The following GPC6 variants were observed in gnomAD, a reference collection of about 807,000 sequenced individuals.
The protein encoded by GPC6 is glypican 6.
A neutral mutation model predicts 55.2 loss-of-function variants in GPC6; 14 were observed. The ratio of observed to expected loss-of-function variants is 0.25; its 90% CI spans 0.17 to 0.40. The LOEUF (loss-of-function observed/expected upper bound fraction) is 0.40, where lower values mean the gene tolerates loss of function less well. GPC6 is among the 10% of genes least tolerant of loss of function. The pLI, the probability that GPC6 is intolerant of heterozygous loss-of-function variation, is 1.00. For missense variants in GPC6, 641 were observed against 708.5 expected (o/e 0.90, Z 1.08); for synonymous variants, 278 against 259.6 (o/e 1.07, Z -0.68).
intron 6 of GPC6, among the ~76,000 whole-genome samples, chr13:94,374,702 C>T (rs1879752930): frequency 6.7e-6 from 1 of 150,274 alleles, no homozygotes; most frequent in Non-Finnish European, 1.5e-5. Context: ...AGCTCTGCAC[C>T]AAGCGGACCT....
chr13:93,670,465 A>G (rs958696005), intron 2 of GPC6, among the ~76,000 whole-genome samples: 4 of 152,232 alleles, frequency 2.6e-5, no homozygotes, highest in African/African-American at 9.6e-5. Flanking sequence ...ATCTGGCATC[A>G]TAATGTATAC....
At chr13:93,890,725 T>TC (rs1335401145) in intron 3 of GPC6, among the ~76,000 whole-genome samples, 1 of 151,316 alleles carries the variant, frequency 6.6e-6, no homozygotes, top group East Asian at 1.9e-4. Context: ...AATTTTTTTT[T>TC]TTTTTTTTGC....
chr13:94,005,460 C>G (rs1881978034), intron 3 of GPC6, among the ~76,000 whole-genome samples: 1 of 152,182 alleles, frequency 6.6e-6, no homozygotes, highest in South Asian at 2.1e-4. Context: ...TTCAGCCTCT[C>G]TCTTCTTTAA....
intron 1 of GPC6, among the ~76,000 whole-genome samples, chr13:93,475,620 T>C (rs1879276084): frequency 6.6e-6 from 1 of 152,212 alleles, no homozygotes; most frequent in African/African-American, 2.4e-5. Flanking sequence ...AAATAACCTG[T>C]TGAACTATTT....
intron 3 of GPC6, among the ~76,000 whole-genome samples, chr13:93,843,221 G>T (rs553631003): frequency 5.9e-5 from 9 of 151,852 alleles, no homozygotes; most frequent in African/African-American, 2.2e-4. Context: ...AAAACAGTTG[G>T]CTCACATCGT....
rs565712804 is a variant in GPC6 at position 93,273,386 on chromosome 13, C to T, written c.160+45770C>T. 1.5e-4 allele frequency among the ~76,000 whole-genome samples: 23 copies of T among 152,256 alleles called. No individual in the cohort carries two copies. The South Asian group carries it at 4.8e-3, about 32-fold the overall frequency. On this transcript the variant is annotated intron_variant, in intron 1 of 8. Transcript: ENST00000377047. ...AAAAGTACTGTACATAGGCTGGGCGCGGTGGCTCAAGCCTGTAATCCCAGC... is the reference window on the plus strand; with the variant it reads ...AAAAGTACTGTACATAGGCTGGGCGTGGTGGCTCAAGCCTGTAATCCCAGC...
At chr13:94,069,736 C>T (rs1008458878) in intron 4 of GPC6, among the ~76,000 whole-genome samples, 4 of 152,204 alleles carry the variant, frequency 2.6e-5, no homozygotes, top group African/African-American at 9.6e-5. Context: ...TTTGCTAAAA[C>T]ATAACAAAAG....
At chr13:94,324,657 G>A (rs943676146) in intron 6 of GPC6, among the ~76,000 whole-genome samples, 1 of 151,546 alleles carries the variant, frequency 6.6e-6, no homozygotes, top group Non-Finnish European at 1.5e-5. Flanking sequence ...GCAGATAAGA[G>A]GCACAGAGAT....
intron 2 of GPC6, among the ~76,000 whole-genome samples, chr13:93,767,448 A>G (rs1011278758): frequency 6.6e-6 from 1 of 152,202 alleles, no homozygotes; most frequent in African/African-American, 2.4e-5. Context: ...CTTAGTGTCT[A>G]TTGCCTCAGA....
At chr13:93,483,828 A>G (rs12586008) in intron 1 of GPC6, among the ~76,000 whole-genome samples, 38,808 of 152,076 alleles carry the variant, frequency 0.26, 5,269 homozygotes, top group East Asian at 0.37. Context: ...TGTGACTAAA[A>G]TTATATTAGA....
chr13:93,763,835 T>C (rs1352993200), intron 2 of GPC6, among the ~76,000 whole-genome samples: 1 of 152,144 alleles, frequency 6.6e-6, no homozygotes, highest in Admixed American at 6.6e-5. Context: ...TTTATTTTTT[T>C]TTTTTATCTA....
intron 1 of GPC6, among the ~76,000 whole-genome samples, chr13:93,490,394 A>G (rs1879920499): frequency 1.4e-5 from 2 of 146,008 alleles, no homozygotes; most frequent in South Asian, 4.5e-4. Context: ...TAACATATAT[A>G]TGATGTACTT....
At chr13:93,826,298 G>A (rs537839757) in intron 2 of GPC6, among the ~76,000 whole-genome samples, 4 of 152,248 alleles carry the variant, frequency 2.6e-5, no homozygotes, top group Non-Finnish European at 5.9e-5. Flanking sequence ...GAGATTAGCA[G>A]ATAACTACAC....
Position 94,372,361 on chromosome 13 carries a change from G to A in GPC6, c.1153-10053G>A, listed in dbSNP as rs1358639318. On this transcript the variant is annotated intron_variant, in intron 6 of 8. Transcript: ENST00000377047. Reference sequence around the variant, plus strand: ...GCGCAGGTCAGTGGGTGCGCGCACCGTGCGCGAGCCGAAGCAGGGCGAGGC... The same window carrying A: ...GCGCAGGTCAGTGGGTGCGCGCACCATGCGCGAGCCGAAGCAGGGCGAGGC... 4.6e-5 allele frequency among the ~76,000 whole-genome samples: 7 copies of A among 151,776 alleles called. No homozygotes were observed. In the South Asian group the frequency reaches 6.3e-4, roughly 14 times the overall value.
chr13:93,253,928 C>G (rs1315783678), intron 1 of GPC6, among the ~76,000 whole-genome samples: 1 of 152,156 alleles, frequency 6.6e-6, no homozygotes, highest in Non-Finnish European at 1.5e-5. Context: ...TCACATTTAT[C>G]ACATATGATT....
chr13:94,177,881 A>AT (rs1888841003), intron 4 of GPC6, among the ~76,000 whole-genome samples: 1 of 152,148 alleles, frequency 6.6e-6, no homozygotes. Context: ...CTCTGAATAC[A>AT]TATTTGTCCT....
chr13:93,967,158 C>T (rs534090995), intron 3 of GPC6, among the ~76,000 whole-genome samples: 4 of 152,182 alleles, frequency 2.6e-5, no homozygotes, highest in South Asian at 4.2e-4. Flanking sequence ...ATTTCATTTA[C>T]GCAAGCATTT....
chr13:93,510,995 A>ATG (rs1279489832), intron 1 of GPC6, among the ~76,000 whole-genome samples: 15 of 91,626 alleles, frequency 1.6e-4, no homozygotes, highest in African/African-American at 3.8e-4. Flanking sequence ...GTGTATATAT[A>ATG]TATATATATA....
At chr13:94,245,284 T>C (rs193050582) in intron 4 of GPC6, among the ~76,000 whole-genome samples, 2 of 152,054 alleles carry the variant, frequency 1.3e-5, no homozygotes, top group Non-Finnish European at 2.9e-5. Flanking sequence ...TGCAGCCTGG[T>C]GTGGTGGCTC....
Sources: allele counts gnomAD v4.1 joint callset (sites outside exome capture counted in the v4.1 genomes callset), GRCh38; gene constraint gnomAD v4.1.1; transcripts MANE v1.5; gene names NCBI Gene and HGNC (gene_info 2026-07-23, HGNC 2026-07-21).